RAB3IP: variants seen among roughly 807,000 people sequenced by gnomAD.
RAB3IP encodes the protein rab-3A-interacting protein.
In RAB3IP, 36 loss-of-function variants were observed where a neutral mutation model predicts 59.1. The observed-to-expected ratio is 0.61, with a 90% CI of 0.47 to 0.80. RAB3IP has a LOEUF of 0.80. RAB3IP is among the 30% of genes least tolerant of loss of function. The probability of loss-of-function intolerance (pLI) is 0.00; values close to 1 mark genes in which losing one functional copy is unlikely to be tolerated. For synonymous variants in RAB3IP, 207 were observed against 191.2 expected (o/e 1.08, Z -0.68); for missense variants, 511 against 536.0 (o/e 0.95, Z 0.46).
intron 8 of RAB3IP, among the ~76,000 whole-genome samples, chr12:69,802,775 G>A (rs771138726): frequency 3.2e-4 from 49 of 152,258 alleles, no homozygotes; most frequent in Non-Finnish European, 5.4e-4. Flanking sequence ...TCCCTGTTAC[G>A]CACGTTACGG....
At chr12:69,812,448 T>C (rs1407136465) in intron 8 of RAB3IP, 11 of 215,490 alleles carry the variant, frequency 5.1e-5, no homozygotes, top group Non-Finnish European at 8.2e-5. Context: ...GAAGCTGAAA[T>C]CCTGATGGAA....
chr12:69,792,533 T>A (rs1352936105), intron 4 of RAB3IP, among the ~76,000 whole-genome samples: 1 of 152,196 alleles, frequency 6.6e-6, no homozygotes, highest in East Asian at 1.9e-4. Flanking sequence ...GTATAGGTGA[T>A]ACTTACATCA....
intron 8 of RAB3IP, among the ~76,000 whole-genome samples, chr12:69,808,896 T>G (rs1253672573): frequency 1.3e-5 from 2 of 152,138 alleles, no homozygotes; most frequent in South Asian, 4.2e-4. Flanking sequence ...TTAGCCCATT[T>G]ACATTTAAGG....
At chr12:69,760,938 T>G (rs946148699) in intron 3 of RAB3IP, among the ~76,000 whole-genome samples, 1 of 152,202 alleles carries the variant, frequency 6.6e-6, no homozygotes, top group African/African-American at 2.4e-5. Flanking sequence ...AGGTTGTTAG[T>G]TTTCATAAAA....
At chr12:69,762,773 A>G (rs866819444) in intron 3 of RAB3IP, among the ~76,000 whole-genome samples, 7 of 149,966 alleles carry the variant, frequency 4.7e-5, no homozygotes, top group Admixed American at 2.0e-4. Flanking sequence ...AAAAAAAAAA[A>G]AAAAAAGAAA....
rs1887103534 is a variant in RAB3IP at position 69,739,787 on chromosome 12, T to TAA, written c.-26+756_-26+757insAA. 29 of 1,608,036 alleles carry TAA rather than the reference T, an allele frequency of 1.8e-5. No homozygotes were observed. The East Asian group carries it at 6.5e-4, about 36-fold the overall frequency. Reference sequence around the variant, plus strand: ...GACCGCCCAGGAAGCGCGAGCTTACTGGCTCCAGAAGTGATGATGCTGGGT... The same window carrying TAA: ...GACCGCCCAGGAAGCGCGAGCTTACTAAGGCTCCAGAAGTGATGATGCTGGGT... On this transcript the variant is annotated intron_variant, in intron 1 of 10. Transcript: ENST00000247833.
chr12:69,744,691 CAAAAAAA>C (rs11302589), intron 1 of RAB3IP, among the ~76,000 whole-genome samples: 1 of 130,032 alleles, frequency 7.7e-6, no homozygotes, highest in African/African-American at 2.9e-5. Flanking sequence ...GACTGCATCT[CAAAAAAA>C]AAAAAAAAAA....
intron 3 of RAB3IP, chr12:69,779,241 C>G (rs1874189207): frequency 1.4e-5 from 2 of 143,444 alleles, no homozygotes; most frequent in East Asian, 2.1e-4. Context: ...CTTGCGCTTC[C>G]CAGGTGAGGC....
At chr12:69,804,346 G>GT (rs1192349103) in intron 8 of RAB3IP, among the ~76,000 whole-genome samples, 3 of 152,072 alleles carry the variant, frequency 2.0e-5, no homozygotes, top group Non-Finnish European at 2.9e-5. Flanking sequence ...TGATGGGGTT[G>GT]TTTTTTTCTT....
chr12:69,773,395 CTTTCTT>C (rs1873494432), intron 3 of RAB3IP, among the ~76,000 whole-genome samples: 2 of 44,920 alleles, frequency 4.5e-5, no homozygotes, highest in African/African-American at 1.6e-4. Context: ...ACCCATTTGT[CTTTCTT>C]TTTTTTTTTT....
chr12:69,773,236 T>C (rs1156660094), intron 3 of RAB3IP, among the ~76,000 whole-genome samples: 2 of 152,092 alleles, frequency 1.3e-5, no homozygotes, highest in Non-Finnish European at 1.5e-5. Flanking sequence ...TCCTTGTCTT[T>C]GATCTTTGAG....
chr12:69,772,536 T>G (rs895428694), intron 3 of RAB3IP, among the ~76,000 whole-genome samples: 1 of 152,198 alleles, frequency 6.6e-6, no homozygotes, highest in African/African-American at 2.4e-5. Flanking sequence ...GTAATATGTT[T>G]TGACACCTTG....
chr12:69,772,526 G>C (rs936477563), intron 3 of RAB3IP, among the ~76,000 whole-genome samples: 12 of 152,024 alleles, frequency 7.9e-5, no homozygotes, highest in African/African-American at 2.9e-4. Context: ...ATTTTCTCTA[G>C]TAATATGTTT....
chr12:69,746,687 G>A (rs76522223), intron 1 of RAB3IP, among the ~76,000 whole-genome samples: 5,453 of 152,210 alleles, frequency 0.036, 116 homozygotes, highest in Non-Finnish European at 0.048. Context: ...TATTTAATAT[G>A]TATAATAAAT....
chr12:69,801,801 T>C, intron 8 of RAB3IP, 80 bp downstream of exon 8: 1 of 881,412 alleles, frequency 1.1e-6, no homozygotes, highest in Admixed American at 2.1e-5. Flanking sequence ...GTTTTTCTGG[T>C]TTTAAATGTA....
chr12:69,805,940 A>T (rs1451621010), intron 8 of RAB3IP, among the ~76,000 whole-genome samples: 14 of 152,136 alleles, frequency 9.2e-5, no homozygotes, highest in Admixed American at 6.5e-5. Flanking sequence ...TTCATCAAGG[A>T]TATTGGTCTA....
chr12:69,788,862 C>T lies in RAB3IP; in HGVS notation c.606+4047C>T, dbSNP rs533178840. Among the ~76,000 whole-genome samples, 3 of 152,136 alleles carry T rather than the reference C, an allele frequency of 2.0e-5. No homozygotes were observed. In the East Asian group the frequency reaches 5.8e-4, roughly 29 times the overall value. ...AATCATTCTAAGAATCTTTTCCACT[C>T]ACAATGGAATTCAATTAGGAATCAA... is the stretch of plus-strand genomic sequence containing the variant. On this transcript the variant is annotated intron_variant, in intron 4 of 10. Coordinates refer to ENST00000247833, the MANE Select transcript of RAB3IP (RefSeq NM_022456.5).
chr12:69,803,313 G>A (rs1299984854), intron 8 of RAB3IP, among the ~76,000 whole-genome samples: 1 of 151,992 alleles, frequency 6.6e-6, no homozygotes, highest in Non-Finnish European at 1.5e-5. Flanking sequence ...GGAAGATACT[G>A]TCTTCCTTTA....
At chr12:69,765,240 T>A (rs1872002964) in intron 3 of RAB3IP, among the ~76,000 whole-genome samples, 1 of 152,168 alleles carries the variant, frequency 6.6e-6, no homozygotes, top group Non-Finnish European at 1.5e-5. Flanking sequence ...AGCCTTCCAA[T>A]TTTTGTCCAT....
Sources: allele counts gnomAD v4.1 joint callset (sites outside exome capture counted in the v4.1 genomes callset), GRCh38; gene constraint gnomAD v4.1.1; transcripts MANE v1.5; gene names NCBI Gene and HGNC (gene_info 2026-07-23, HGNC 2026-07-21).